Variants in SLIT2 observed in about 807,000 individuals in gnomAD.
SLIT2 encodes slit homolog 2 protein.
A neutral mutation model predicts 185.7 loss-of-function variants in SLIT2; 41 were observed. The ratio of observed to expected loss-of-function variants is 0.22; its 90% CI spans 0.17 to 0.29. SLIT2 has a LOEUF of 0.29. Ranked by LOEUF, SLIT2 falls within the 10% of genes least tolerant of loss-of-function variation. The pLI is 1.00. For synonymous variants in SLIT2, 693 were observed against 680.2 expected (o/e 1.02, Z -0.29); for missense variants, 1,571 against 1,909.0 (o/e 0.82, Z 3.30).
chr4:20,559,423 A>G (rs558429787), intron 26 of SLIT2, among the ~76,000 whole-genome samples: 3 of 152,030 alleles, frequency 2.0e-5, no homozygotes, highest in South Asian at 2.1e-4. Context: ...AGGCACTGAA[A>G]CTTACAGTGC....
intron 6 of SLIT2, among the ~76,000 whole-genome samples, chr4:20,481,645 A>G (rs952680330): frequency 1.3e-5 from 2 of 152,104 alleles, no homozygotes; most frequent in Non-Finnish European, 2.9e-5. Flanking sequence ...TAGTCAATTT[A>G]TTAAAAGTTA....
rs768193311 is a variant in SLIT2, at chr4:20,511,041, A to G, written c.987-25A>G. On this transcript the variant is annotated intron_variant, in intron 10 of 36. Transcript: ENST00000504154. ...ATCTCACTGACATTTGATTGAATGT[A>G]ACCTAACCCTATTTCTAATCTTAGT... 15 of 1,461,356 alleles carry G rather than the reference A, an allele frequency of 1.0e-5. No individual in the cohort carries two copies. In the African/African-American group the frequency reaches 1.9e-4, roughly 19 times the overall value. The allele number at this position is 1,461,356 out of a possible 1,614,324, so 90.5% of individuals were successfully genotyped here. A position where few individuals can be genotyped will look rare whatever the true frequency, so the allele number is the denominator to read the frequency against.
intron 34 of SLIT2, among the ~76,000 whole-genome samples, chr4:20,612,903 G>A (rs1353848042): frequency 2.9e-5 from 4 of 137,030 alleles, no homozygotes; most frequent in African/African-American, 1.1e-4. Context: ...GGGCGACAAT[G>A]GGAGACTCCA....
chr4:20,484,671 T>C lies in SLIT2; in HGVS notation c.540-1529T>C, dbSNP rs79817060. On this transcript the variant is annotated intron_variant, in intron 6 of 36. Transcript: ENST00000504154. The surrounding 1 kb of genome is among the most constrained non-coding windows in gnomAD (Gnocchi z 4.3). ...GCCTCAAAAATATATTTTGTGTAGC[T>C]CAAACATAAGCGGTCTACAGACTGT... Among the ~76,000 whole-genome samples, 1,789 of 152,254 alleles carry C rather than the reference T, an allele frequency of 0.012. 17 individuals carry two copies. The highest frequency in any genetic ancestry group is 0.02 in the Non-Finnish European group (1,371 of 67,996).
At chr4:20,602,697 G>A (rs114117052) in intron 33 of SLIT2, among the ~76,000 whole-genome samples, 1,900 of 152,240 alleles carry the variant, frequency 0.012, 41 homozygotes, top group African/African-American at 0.041. Context: ...AACCCCTTGC[G>A]TAAAAGGAAT....
intron 8 of SLIT2, among the ~76,000 whole-genome samples, chr4:20,490,641 GT>G (rs1224859779): frequency 6.6e-6 from 1 of 152,018 alleles, no homozygotes; most frequent in African/African-American, 2.4e-5. Context: ...CCTTGTTTGT[GT>G]TTTTTCACAT....
intron 4 of SLIT2, among the ~76,000 whole-genome samples, chr4:20,303,994 T>G (rs1717303732): frequency 6.6e-6 from 1 of 152,198 alleles, no homozygotes; most frequent in South Asian, 2.1e-4. Flanking sequence ...ATGGAAAATA[T>G]TTAAGCAATG....
At chr4:20,373,384 C>G (rs1342895633) in intron 4 of SLIT2, among the ~76,000 whole-genome samples, 1 of 151,938 alleles carries the variant, frequency 6.6e-6, no homozygotes, top group East Asian at 1.9e-4. Context: ...AATAATTTCT[C>G]CTATTTGCTT....
chr4:20,518,587 A>ATT lies in SLIT2; in HGVS notation c.1059-761_1059-760dup, dbSNP rs71181568. 2.8e-4 allele frequency among the ~76,000 whole-genome samples: 5 copies of ATT among 17,860 alleles called. 1 individual carries two copies. Among genetic ancestry groups the ATT allele is most frequent in the Non-Finnish European group, 4.5e-4 (5 of 11,128 alleles). 11.7% of individuals were successfully genotyped at this position (17,860 alleles called of 152,430 possible). On this transcript the variant is annotated intron_variant, in intron 11 of 36. Transcript: ENST00000504154. ...TATATATATATATATATATATATAT[A>ATT]TTTTTTTTTTTTTTTTTTTTTTTTT...
At chr4:20,530,234 A>G (rs1721674733) in intron 16 of SLIT2, among the ~76,000 whole-genome samples, 1 of 151,964 alleles carries the variant, frequency 6.6e-6, no homozygotes, top group Admixed American at 6.6e-5. Context: ...CTTATTACCT[A>G]TAATACTACA....
At chr4:20,580,133 T>C (rs923187279) in intron 29 of SLIT2, among the ~76,000 whole-genome samples, 3 of 149,144 alleles carry the variant, frequency 2.0e-5, no homozygotes, top group African/African-American at 7.4e-5. Context: ...TGATCTCAGC[T>C]CACTGCAACC....
intron 25 of SLIT2, among the ~76,000 whole-genome samples, chr4:20,551,496 T>C (rs1349831080): frequency 6.6e-6 from 1 of 152,186 alleles, no homozygotes. Flanking sequence ...TTTGAAAATA[T>C]GTGATAAGTG....
chr4:20,306,830 C>G (rs536036790), intron 4 of SLIT2, among the ~76,000 whole-genome samples: 35 of 152,126 alleles, frequency 2.3e-4, no homozygotes, highest in Admixed American at 2.3e-3. Flanking sequence ...TGGTATTTCC[C>G]CAACCAAAGA....
intron 9 of SLIT2, among the ~76,000 whole-genome samples, chr4:20,497,661 CA>C (rs1560476699): frequency 6.6e-6 from 1 of 152,192 alleles, no homozygotes; most frequent in Non-Finnish European, 1.5e-5. Flanking sequence ...CTTCTCCACA[CA>C]GCACTTACCA....
chr4:20,553,292 A>C (rs144740851), intron 25 of SLIT2, among the ~76,000 whole-genome samples: 1 of 152,310 alleles, frequency 6.6e-6, no homozygotes, highest in Non-Finnish European at 1.5e-5. Context: ...GTTCACCATC[A>C]TCTTGTAAAT....
In SLIT2 at chr4:20,533,559, A is replaced by C; in HGVS notation, c.1689-13A>C. 6.3e-7 allele frequency: 1 copy of C among 1,591,984 alleles called. No homozygotes were observed. The highest frequency in any genetic ancestry group is 8.6e-7 in the Non-Finnish European group (1 of 1,166,108). On this transcript the variant is annotated splice_polypyrimidine_tract_variant and intron_variant, in intron 17 of 36. Coordinates refer to ENST00000504154, the MANE Select transcript of SLIT2 (RefSeq NM_004787.4). ...AATTATTTAAAACCTTTGTTCCAAC[A>C]ATTTTTATTTAGAAACTTTAGCAAC...
At chr4:20,283,513 G>A (rs947045798) in intron 4 of SLIT2, among the ~76,000 whole-genome samples, 12 of 152,048 alleles carry the variant, frequency 7.9e-5, no homozygotes, top group African/African-American at 2.4e-4. Context: ...AAAACAAATG[G>A]AAGAAATGAT....
chr4:20,261,662 GT>G (rs1164028881), intron 3 of SLIT2, among the ~76,000 whole-genome samples: 4 of 151,904 alleles, frequency 2.6e-5, no homozygotes, highest in Non-Finnish European at 4.4e-5. Context: ...GTATGAGAAA[GT>G]TTTTGAAATT....
chr4:20,444,637 T>C (rs1237653688), intron 4 of SLIT2, among the ~76,000 whole-genome samples: 2 of 152,244 alleles, frequency 1.3e-5, no homozygotes, highest in Non-Finnish European at 2.9e-5. Context: ...GATAGCCCAG[T>C]GCAGTATCGG....
Sources: allele counts gnomAD v4.1 joint callset (sites outside exome capture counted in the v4.1 genomes callset), GRCh38; gene constraint gnomAD v4.1.1; non-coding constraint Gnocchi (gnomAD v3.1); transcripts MANE v1.5; gene names NCBI Gene and HGNC (gene_info 2026-07-23, HGNC 2026-07-21).